ADCY10: variants seen among roughly 807,000 people sequenced by gnomAD.
ADCY10 encodes the protein adenylate cyclase 10.
Under a neutral mutation model 183.3 loss-of-function variants are expected in ADCY10, and 156 were observed. The observed-to-expected ratio is 0.85, with a 90% CI of 0.75 to 0.97. The LOEUF (loss-of-function observed/expected upper bound fraction) is 0.97. Among genes scored for constraint, ADCY10 ranks in the 50% least tolerant of loss-of-function variants. ADCY10 has a pLI of 0.00. For missense variants in ADCY10, 1,745 were observed against 1,934.3 expected (o/e 0.90, Z 1.84); for synonymous variants, 645 against 670.0 (o/e 0.96, Z 0.58).
chr1:167,892,188 T>C (rs1446218529), intron 8 of ADCY10, among the ~76,000 whole-genome samples: 1 of 152,160 alleles, frequency 6.6e-6, no homozygotes, highest in African/African-American at 2.4e-5. Context: ...TCCAGGCTGG[T>C]CTTGAACTCC....
rs189617711 is a variant in ADCY10, at chr1:167,817,515, C to T, written c.4482+557G>A. ...AGCCCTTTATTCTCTTGGGGGCTTG[C>T]CCATGCCAGGTTGTAAACTCTTGGA... On this transcript the variant is annotated intron_variant, in intron 31 of 32. Coordinates refer to ENST00000367851, the MANE Select transcript of ADCY10 (RefSeq NM_018417.6). Among the ~76,000 whole-genome samples, 17 of 152,300 alleles carry T rather than the reference C, an allele frequency of 1.1e-4. No individual in the cohort carries two copies. The East Asian group carries it at 2.5e-3, about 22-fold the overall frequency.
At chr1:167,858,396 G>A (rs1558195491) in intron 16 of ADCY10, among the ~76,000 whole-genome samples, 1 of 151,358 alleles carries the variant, frequency 6.6e-6, no homozygotes, top group African/African-American at 2.4e-5. Flanking sequence ...TAGTCGGGAG[G>A]CTGAGGCAGG....
rs1662350426 is a variant in ADCY10 at position 167,813,593 on chromosome 1, T to C, written c.4483-2680A>G. Among the ~76,000 whole-genome samples the C allele has an allele frequency of 2.0e-5, 3 of 152,164 alleles. No homozygotes were observed. The South Asian group carries it at 6.2e-4, about 31-fold the overall frequency. On this transcript the variant is annotated intron_variant, in intron 31 of 32. Coordinates refer to ENST00000367851, the MANE Select transcript of ADCY10 (RefSeq NM_018417.6). ...TAAAATGAAAGGACAGTCAAAGCTC[T>C]AAGAAGAAATAAAGATCTCAACAAA...
intron 21 of ADCY10, among the ~76,000 whole-genome samples, chr1:167,842,180 C>G (rs1664700781): frequency 6.6e-6 from 1 of 152,078 alleles, no homozygotes; most frequent in African/African-American, 2.4e-5. Flanking sequence ...TTTTTTTCCC[C>G]TTTTGGGGAG....
chr1:167,902,009 C>T lies in ADCY10; in HGVS notation c.292+7G>A. 1 of 1,613,832 alleles carries T rather than the reference C, an allele frequency of 6.2e-7. No homozygotes were observed. The highest frequency in any genetic ancestry group is 8.5e-7 in the Non-Finnish European group (1 of 1,179,958). On this transcript the variant is annotated splice_region_variant and intron_variant, in intron 4 of 32. Coordinates refer to ENST00000367851, the MANE Select transcript of ADCY10 (RefSeq NM_018417.6). Reference sequence around the variant, plus strand: ...CTTACCCCTTCTATCTTAGTAAGCCCCCATACCTGCAAATTTCAGGATGTC... The same window carrying T: ...CTTACCCCTTCTATCTTAGTAAGCCTCCATACCTGCAAATTTCAGGATGTC...
intron 30 of ADCY10, among the ~76,000 whole-genome samples, chr1:167,818,977 C>A (rs545935600): frequency 1.6e-4 from 25 of 152,190 alleles, no homozygotes; most frequent in Non-Finnish European, 2.8e-4. Context: ...AGACTGGCAT[C>A]ATCAGTATCA....
At chr1:167,819,711 C>T (rs769240830) in intron 30 of ADCY10, among the ~76,000 whole-genome samples, 3 of 151,916 alleles carry the variant, frequency 2.0e-5, no homozygotes, top group East Asian at 1.9e-4. Context: ...TACAGGCATG[C>T]GCCACCATGC....
At chr1:167,863,769 G>A (rs1213330753) in intron 14 of ADCY10, among the ~76,000 whole-genome samples, 4 of 152,224 alleles carry the variant, frequency 2.6e-5, no homozygotes, top group Non-Finnish European at 5.9e-5. Context: ...GCAGGCCCCC[G>A]TGGAGGATCA....
At chr1:167,877,964 C>T (rs1183079238) in intron 12 of ADCY10, among the ~76,000 whole-genome samples, 1 of 152,164 alleles carries the variant, frequency 6.6e-6, no homozygotes, top group African/African-American at 2.4e-5. Flanking sequence ...ATGAAAATGA[C>T]TGAAAGCCAT....
At position 167,823,610 on chromosome 1, in the gene ADCY10, C is replaced by A. The variant is rs916236857; in HGVS notation, c.4053-487G>T. Among the ~76,000 whole-genome samples the A allele has an allele frequency of 2.0e-5, 3 of 151,930 alleles. No individual in the cohort carries two copies. In the East Asian group the frequency reaches 5.8e-4, roughly 29 times the overall value. ...TCTATGTGACCGAAAACCATTTATA[C>A]CCCCAAAGCTATTGAATAAAAAAAG... On this transcript the variant is annotated intron_variant, in intron 28 of 32. Transcript: ENST00000367851.
chr1:167,910,517 G>A (rs1010043711), intron 1 of ADCY10, among the ~76,000 whole-genome samples: 3 of 152,232 alleles, frequency 2.0e-5, no homozygotes, highest in African/African-American at 7.2e-5. Context: ...AAGGTGTAAT[G>A]TGGGACCCTG....
At position 167,836,411 on chromosome 1, in the gene ADCY10, C is replaced by T; in HGVS notation, c.3207G>A (p.Leu1069=). Residue 1069 remains leucine (L), a synonymous_variant, in exon 23 of 33, where the codon TTG becomes TTA. Coordinates refer to ENST00000367851, the MANE Select transcript of ADCY10 (RefSeq NM_018417.6). ...QCEEILEIVI[L]PLAHHFLALG... ...AAGCCAGAAAATGGTGGGCCAGAGG[C>T]AAGATGACAATCTCTAGGATTTCTT... 1.2e-6 allele frequency: 2 copies of T among 1,614,058 alleles called. No homozygotes were observed. The highest frequency in any genetic ancestry group is 4.5e-5 in the East Asian group (2 of 44,864).
At chr1:167,820,245 C>G in intron 30 of ADCY10, 1 of 1,519,646 alleles carries the variant, frequency 6.6e-7, no homozygotes, top group Non-Finnish European at 8.9e-7. Context: ...GGGTCCTGGT[C>G]CATCGTCGTC....
Position 167,827,494 on chromosome 1 carries a change from GC to G in ADCY10, c.3750+1772del, listed in dbSNP as rs111763439. 5.6e-3 allele frequency among the ~76,000 whole-genome samples: 851 copies of G among 151,534 alleles called. 7 individuals carry two copies. Among genetic ancestry groups the G allele is most frequent in the African/African-American group, 0.02 (814 of 41,326 alleles). On this transcript the variant is annotated intron_variant, in intron 26 of 32. Transcript: ENST00000367851. ...TGATTTAATGTACTTTTATAAAGGA[GC>G]AAGGTCACTCTCATTAGATGAGTTT...
intron 13 of ADCY10, among the ~76,000 whole-genome samples, chr1:167,873,091 T>C (rs899148831): frequency 2.6e-5 from 4 of 151,698 alleles, no homozygotes; most frequent in Non-Finnish European, 4.4e-5. Context: ...AAAAGAAATA[T>C]CCACATAATG....
At chr1:167,829,484 G>A (rs1266243145) in intron 25 of ADCY10, 61 bp from the exon 26 acceptor site, 1 of 1,600,048 alleles carries the variant, frequency 6.2e-7, no homozygotes, top group Non-Finnish European at 8.5e-7. Flanking sequence ...ATGATTTAGG[G>A]GAGCACAGGT....
intron 26 of ADCY10, among the ~76,000 whole-genome samples, chr1:167,827,526 A>G (rs1239278421): frequency 6.6e-6 from 1 of 151,586 alleles, no homozygotes; most frequent in Non-Finnish European, 1.5e-5. Flanking sequence ...AGTTTGATTT[A>G]GCTTAATAAT....
intron 1 of ADCY10, among the ~76,000 whole-genome samples, chr1:167,912,315 A>G (rs1311914940): frequency 2.0e-5 from 3 of 152,182 alleles, no homozygotes; most frequent in Non-Finnish European, 4.4e-5. Context: ...AACCTTTGAT[A>G]AGCAAATGAA....
chr1:167,888,217 C>T (rs1181137962), intron 8 of ADCY10, among the ~76,000 whole-genome samples: 1 of 152,090 alleles, frequency 6.6e-6, no homozygotes, highest in Non-Finnish European at 1.5e-5. Context: ...TATGATTCCT[C>T]CTGATTTATT....
Sources: allele counts gnomAD v4.1 joint callset (sites outside exome capture counted in the v4.1 genomes callset), GRCh38; gene constraint gnomAD v4.1.1; transcripts MANE v1.5; gene names NCBI Gene and HGNC (gene_info 2026-07-23, HGNC 2026-07-21).